Variants in PPP2R3A observed in about 807,000 individuals in gnomAD.
The protein encoded by PPP2R3A is serine/threonine-protein phosphatase 2A regulatory subunit B'' subunit alpha.
PPP2R3A carries 80 observed loss-of-function variants against 106.9 expected under a neutral mutation model. That is an observed-to-expected ratio of 0.75 (90% CI 0.62 to 0.90). The LOEUF is 0.90. Ranked by LOEUF, PPP2R3A falls within the 40% of genes least tolerant of loss-of-function variation. The pLI, the probability that PPP2R3A is intolerant of heterozygous loss-of-function variation, is 0.00. For synonymous variants in PPP2R3A, 483 were observed against 468.3 expected, an observed-to-expected ratio of 1.03 and a Z score of -0.41; for missense variants, 1,386 against 1,350.4, an observed-to-expected ratio of 1.03 and a Z score of -0.41.
In PPP2R3A at chr3:136,001,291, T is replaced by A; in HGVS notation, c.-208T>A. ...AGCACAATTATTAAATTATTAAATT[T>A]GCCACACATGTGCAGCAGCTACTGT... is the stretch of plus-strand genomic sequence containing the variant. On this transcript the variant is annotated 5_prime_UTR_variant, in exon 2 of 14. Coordinates refer to ENST00000264977, the MANE Select transcript of PPP2R3A (RefSeq NM_002718.5). 3 of 471,496 alleles carry A rather than the reference T, an allele frequency of 6.4e-6. No homozygotes were observed. Among genetic ancestry groups the A allele is most frequent in the Non-Finnish European group, 3.7e-6 (1 of 270,262 alleles). 29.2% of individuals were successfully genotyped at this position (471,496 alleles called of 1,614,324 possible).
Position 136,064,110 on chromosome 3 carries a change from CT to C in PPP2R3A, c.2470-6365del, listed in dbSNP as rs1298573519. 2.0e-5 allele frequency among the ~76,000 whole-genome samples: 3 copies of C among 151,994 alleles called. No individual in the cohort carries two copies. In the South Asian group the frequency reaches 6.3e-4, roughly 32 times the overall value. On this transcript the variant is annotated intron_variant, in intron 5 of 13. Coordinates refer to ENST00000264977, the MANE Select transcript of PPP2R3A (RefSeq NM_002718.5). ...CCATAAAAAATGATGAGTTCATGTCCTTTGTAGGGACATGGATGAAGCTGGA... is the reference window on the plus strand; with the variant it reads ...CCATAAAAAATGATGAGTTCATGTCCTTGTAGGGACATGGATGAAGCTGGA...
chr3:136,054,375 C>T lies in PPP2R3A; in HGVS notation c.2469+5014C>T, dbSNP rs189939450. Among the ~76,000 whole-genome samples, 1,027 of 150,834 alleles carry T rather than the reference C, an allele frequency of 6.8e-3. 15 individuals are homozygous for T. The highest frequency in any genetic ancestry group is 0.023 in the African/African-American group (945 of 41,080). On this transcript the variant is annotated intron_variant, in intron 5 of 13. Transcript: ENST00000264977. Reference sequence around the variant, plus strand: ...CCGGGTTCAAGCAATTCTCCTTCCTCAGCCTCCCAGGTAGCTGGGATTACA... The same window carrying T: ...CCGGGTTCAAGCAATTCTCCTTCCTTAGCCTCCCAGGTAGCTGGGATTACA...
At chr3:136,017,325 G>A (rs1000094405) in intron 2 of PPP2R3A, among the ~76,000 whole-genome samples, 16 of 152,130 alleles carry the variant, frequency 1.1e-4, no homozygotes, top group Non-Finnish European at 2.2e-4. Context: ...AATTTCTCAG[G>A]TGATTTGGAT....
chr3:135,982,775 C>G (rs945588875), intron 1 of PPP2R3A, among the ~76,000 whole-genome samples: 1 of 152,052 alleles, frequency 6.6e-6, no homozygotes. Flanking sequence ...TCCAGCCACC[C>G]CTGCAACACA....
At chr3:136,120,001 A>T (rs1466048756) in intron 13 of PPP2R3A, among the ~76,000 whole-genome samples, 1 of 152,138 alleles carries the variant, frequency 6.6e-6, no homozygotes, top group Non-Finnish European at 1.5e-5. Flanking sequence ...TGGCACATAT[A>T]TGCCATGGAA....
chr3:136,142,291 C>G (rs887605305), intron 13 of PPP2R3A, among the ~76,000 whole-genome samples: 2 of 152,136 alleles, frequency 1.3e-5, no homozygotes, highest in Non-Finnish European at 1.5e-5. Context: ...ACTCTACCCA[C>G]TAGATGCCAG....
chr3:136,066,060 A>C (rs1936256005), intron 5 of PPP2R3A, among the ~76,000 whole-genome samples: 1 of 152,242 alleles, frequency 6.6e-6, no homozygotes, highest in Non-Finnish European at 1.5e-5. Flanking sequence ...ACAGTTTCCT[A>C]GGAAAATACA....
intron 6 of PPP2R3A, among the ~76,000 whole-genome samples, chr3:136,073,253 C>T (rs377315077): frequency 6.6e-6 from 1 of 152,182 alleles, no homozygotes; most frequent in Admixed American, 6.5e-5. Context: ...AGGCATGAGC[C>T]ACCGCACCCA....
intron 1 of PPP2R3A, among the ~76,000 whole-genome samples, chr3:135,969,720 G>A (rs1033569884): frequency 2.0e-5 from 3 of 152,150 alleles, no homozygotes; most frequent in African/African-American, 7.2e-5. Context: ...CCATACAGTG[G>A]TTTTGTTATT....
In PPP2R3A at chr3:136,067,700, T is replaced by A. The variant is rs1936303284; in HGVS notation, c.2470-2778T>A. On this transcript the variant is annotated intron_variant, in intron 5 of 13. Transcript: ENST00000264977. ...AGCTGAACAATATATGGAATCAACC[T>A]AAGTATTAGTGAATGAAGGCATAAA... Among the ~76,000 whole-genome samples, 18 of 152,274 alleles carry A rather than the reference T, an allele frequency of 1.2e-4. No homozygotes were observed. The South Asian group carries it at 3.7e-3, about 32-fold the overall frequency.
intron 5 of PPP2R3A, among the ~76,000 whole-genome samples, chr3:136,065,164 T>C (rs1037790004): frequency 6.6e-6 from 1 of 152,162 alleles, no homozygotes; most frequent in South Asian, 2.1e-4. Flanking sequence ...TAACCTCAAA[T>C]ATTGGGATAG....
At chr3:136,082,542 C>T (rs975396132) in intron 8 of PPP2R3A, 121 bp downstream of exon 8, 2 of 1,093,242 alleles carry the variant, frequency 1.8e-6, no homozygotes, top group South Asian at 1.5e-5. Flanking sequence ...TCTTTACAGG[C>T]CAATAATTTT....
chr3:136,146,648 T>TAACTA lies in PPP2R3A; in HGVS notation c.*1483_*1487dup, dbSNP rs1939138577. 6.6e-6 allele frequency: 1 copy of TAACTA among 152,242 alleles called. No individual in the cohort carries two copies. The highest frequency in any genetic ancestry group is 6.5e-5 in the Admixed American group (1 of 15,284). The allele number at this position is 152,242 out of a possible 1,614,324, so 9.4% of individuals were successfully genotyped here. A position where few individuals can be genotyped will look rare whatever the true frequency, so the allele number is the denominator to read the frequency against. Reference sequence around the variant, plus strand: ...TCATGATTAGAACTGATCTTCCATTTAACTATTACAGAAAGCAGTAACTAT... The same window carrying TAACTA: ...TCATGATTAGAACTGATCTTCCATTTAACTAAACTATTACAGAAAGCAGTAACTAT... On this transcript the variant is annotated 3_prime_UTR_variant, in exon 14 of 14. Coordinates refer to ENST00000264977, the MANE Select transcript of PPP2R3A (RefSeq NM_002718.5).
At chr3:136,144,480 G>A (rs1379177187) in intron 13 of PPP2R3A, among the ~76,000 whole-genome samples, 1 of 151,976 alleles carries the variant, frequency 6.6e-6, no homozygotes, top group Non-Finnish European at 1.5e-5. Flanking sequence ...GGCCAACATG[G>A]TGAAACCCCA....
chr3:135,984,482 A>AATCT (rs1262930869), intron 1 of PPP2R3A, among the ~76,000 whole-genome samples: 4 of 152,302 alleles, frequency 2.6e-5, no homozygotes, highest in Admixed American at 6.5e-5. Flanking sequence ...GTCCCAACCA[A>AATCT]ATCTCACTTC....
chr3:135,991,055 T>C (rs1005587361), intron 1 of PPP2R3A, among the ~76,000 whole-genome samples: 4 of 152,124 alleles, frequency 2.6e-5, no homozygotes, highest in African/African-American at 9.7e-5. Context: ...TTACAGGACG[T>C]TTTCCCTTCA....
chr3:136,126,640 T>G (rs1938192667), intron 13 of PPP2R3A, among the ~76,000 whole-genome samples: 2 of 152,152 alleles, frequency 1.3e-5, no homozygotes, highest in Non-Finnish European at 1.5e-5. Flanking sequence ...GAGCAGTAGT[T>G]CTCCCAGCAC....
intron 13 of PPP2R3A, among the ~76,000 whole-genome samples, chr3:136,140,400 C>G (rs895424016): frequency 1.4e-5 from 2 of 144,558 alleles, no homozygotes; most frequent in Non-Finnish European, 3.0e-5. Flanking sequence ...AGGCTAAGAT[C>G]ATGCCACTGT....
chr3:136,104,585 C>T lies in PPP2R3A; in HGVS notation c.3222+1209C>T, dbSNP rs778081591. On this transcript the variant is annotated intron_variant, in intron 12 of 13. Coordinates refer to ENST00000264977, the MANE Select transcript of PPP2R3A (RefSeq NM_002718.5). ...CCTCCCAAAGTGCTGGGATTACAGG[C>T]GTGAGCTGGCTGTGCCCAGCCTGTT... is the stretch of plus-strand genomic sequence containing the variant. Among the ~76,000 whole-genome samples the T allele has an allele frequency of 2.4e-4, 36 of 152,240 alleles. 1 individual carries two copies. The highest frequency in any genetic ancestry group is 1.8e-3 in the Admixed American group (28 of 15,294).
Sources: gnomAD v4.1 joint callset for allele counts (sites outside exome capture counted in the v4.1 genomes callset) on GRCh38, gnomAD v4.1.1 for gene constraint, MANE v1.5 for transcripts, NCBI Gene and HGNC (gene_info 2026-07-23, HGNC 2026-07-21) for gene names.